Variants in DPP6 observed in about 807,000 individuals in gnomAD.
The protein encoded by DPP6 is A-type potassium channel modulatory protein DPP6.
A neutral mutation model predicts 122.6 loss-of-function variants in DPP6; 69 were observed. The ratio of observed to expected loss-of-function variants is 0.56; its 90% CI spans 0.46 to 0.69. The LOEUF (loss-of-function observed/expected upper bound fraction) is 0.69, where lower values mean the gene tolerates loss of function less well. Ranked by LOEUF, DPP6 falls within the 30% of genes least tolerant of loss-of-function variation. The pLI is 0.00. For missense variants in DPP6, 928 were observed against 1,116.9 expected, an observed-to-expected ratio of 0.83 and a Z score of 2.41; for synonymous variants, 418 against 433.1, an observed-to-expected ratio of 0.97 and a Z score of 0.43.
intron 5 of DPP6, among the ~76,000 whole-genome samples, chr7:154,622,184 T>G (rs1834730703): frequency 6.6e-6 from 1 of 152,120 alleles, no homozygotes; most frequent in African/African-American, 2.4e-5. Context: ...TTTCCCAACA[T>G]AGTTATTAAT....
At chr7:154,553,601 C>A (rs1586612403) in intron 4 of DPP6, among the ~76,000 whole-genome samples, 1 of 152,054 alleles carries the variant, frequency 6.6e-6, no homozygotes, top group Non-Finnish European at 1.5e-5. Flanking sequence ...GTTAAAAAAC[C>A]TTTTACTAAG....
chr7:154,658,564 G>A (rs757377409), intron 6 of DPP6, among the ~76,000 whole-genome samples: 24 of 152,146 alleles, frequency 1.6e-4, no homozygotes, highest in Non-Finnish European at 3.1e-4. Flanking sequence ...AGGGAAGCAG[G>A]GACCCTGGGC....
intron 8 of DPP6, among the ~76,000 whole-genome samples, chr7:154,733,972 G>A (rs2131385873): frequency 6.6e-6 from 1 of 152,346 alleles, no homozygotes; most frequent in African/African-American, 2.4e-5. Flanking sequence ...CCAGTGTGCT[G>A]AGTACCTGCT....
chr7:153,761,122 G>C, the DPP6 span, among the ~76,000 whole-genome samples: 1 of 152,114 alleles, frequency 6.6e-6, no homozygotes, highest in East Asian at 1.9e-4. Flanking sequence ...AGAAATCAGT[G>C]TCCTTCTTCG....
rs1812843398 is a variant in DPP6, at chr7:154,373,415, G to A, written c.244-72799G>A. On this transcript the variant is annotated intron_variant, in intron 1 of 25. Coordinates refer to ENST00000377770, the MANE Select transcript of DPP6 (RefSeq NM_130797.4). Reference sequence around the variant, plus strand: ...TGTTTGCTTCGTGAGGCGGTTGTGAGGAGCCATCTCTGTGAACGGGCTCCT... The same window carrying A: ...TGTTTGCTTCGTGAGGCGGTTGTGAAGAGCCATCTCTGTGAACGGGCTCCT... Among the ~76,000 whole-genome samples the A allele has an allele frequency of 2.6e-5, 4 of 152,192 alleles. No homozygotes were observed. In the South Asian group the frequency reaches 8.3e-4, roughly 31 times the overall value.
At chr7:154,484,705 GT>G (rs1424366391) in intron 3 of DPP6, among the ~76,000 whole-genome samples, 2 of 152,218 alleles carry the variant, frequency 1.3e-5, no homozygotes, top group Non-Finnish European at 2.9e-5. Context: ...GTCTGTGTTT[GT>G]TTACGCTCAT....
chr7:154,820,638 G>A (rs1799699963), intron 16 of DPP6, among the ~76,000 whole-genome samples: 1 of 152,138 alleles, frequency 6.6e-6, no homozygotes, highest in Non-Finnish European at 1.5e-5. Context: ...AGGCTTCCCA[G>A]AGGACCCAAG....
chr7:154,108,062 A>G (rs539305744), intron 1 of DPP6, among the ~76,000 whole-genome samples: 2 of 152,314 alleles, frequency 1.3e-5, no homozygotes, highest in African/African-American at 2.4e-5. Flanking sequence ...TGTTCACCCA[A>G]ATATATAAAG....
chr7:154,654,395 A>C (rs1260738124), intron 6 of DPP6, among the ~76,000 whole-genome samples: 1 of 24,072 alleles, frequency 4.2e-5, no homozygotes, highest in Non-Finnish European at 2.0e-4. Flanking sequence ...GAAAACATCT[A>C]TATCCAAATC....
Position 154,540,607 on chromosome 7 carries a change from T to C in DPP6, c.533T>C (p.Leu178Ser). 6.3e-7 allele frequency: 1 copy of C among 1,588,148 alleles called. No homozygotes were observed. The highest frequency in any genetic ancestry group is 8.5e-7 in the Non-Finnish European group (1 of 1,169,668). ...GTTGAAACAAATACTTCTACTGTCT[T>C]AATAGAAGGCAAAAAAATTGTAAGT... is the stretch of plus-strand genomic sequence containing the variant. ...WNVETNTSTV[L>S]IEGKKIESLR... The change falls in exon 4 of 26, where the codon TTA (leucine) becomes TCA (serine). Residue 178 changes from leucine (L) to serine (S), a missense_variant. Coordinates refer to ENST00000377770, the MANE Select transcript of DPP6 (RefSeq NM_130797.4).
At chr7:154,411,483 T>G (rs1816592535) in intron 1 of DPP6, among the ~76,000 whole-genome samples, 1 of 152,200 alleles carries the variant, frequency 6.6e-6, no homozygotes, top group African/African-American at 2.4e-5. Flanking sequence ...TTAAGCAGTC[T>G]GCCCTTCTTG....
the DPP6 span, among the ~76,000 whole-genome samples, chr7:153,816,880 G>A: frequency 1.1e-3 from 171 of 152,082 alleles, 1 homozygote; most frequent in Non-Finnish European, 1.8e-3. Context: ...CTCTCTCCCC[G>A]TCTCCCAACT....
intron 1 of DPP6, among the ~76,000 whole-genome samples, chr7:154,279,228 G>C (rs1804346436): frequency 6.6e-6 from 1 of 152,078 alleles, no homozygotes; most frequent in African/African-American, 2.4e-5. Context: ...ATGCATAATT[G>C]TGTGCATATA....
intron 1 of DPP6, among the ~76,000 whole-genome samples, chr7:154,360,769 G>A (rs966508443): frequency 6.6e-6 from 1 of 152,152 alleles, no homozygotes; most frequent in Non-Finnish European, 1.5e-5. Flanking sequence ...AGTTAGTATG[G>A]GGCTTCAGAA....
chr7:154,846,613 C>T (rs1043035126), intron 16 of DPP6, among the ~76,000 whole-genome samples: 3 of 152,160 alleles, frequency 2.0e-5, no homozygotes, highest in Non-Finnish European at 2.9e-5. Flanking sequence ...ACTAGCTTAA[C>T]GACAGATGCA....
intron 1 of DPP6, among the ~76,000 whole-genome samples, chr7:154,253,173 C>T (rs1450300595): frequency 6.6e-6 from 1 of 152,222 alleles, no homozygotes; most frequent in Non-Finnish European, 1.5e-5. Flanking sequence ...AAAAAGGCAA[C>T]AGTCTCATAT....
intron 6 of DPP6, among the ~76,000 whole-genome samples, chr7:154,639,529 G>A (rs890166570): frequency 2.6e-5 from 4 of 152,172 alleles, no homozygotes; most frequent in East Asian, 3.9e-4. Context: ...TGTAAAACTC[G>A]AAACTCTAAA....
At chr7:154,645,635 C>T (rs1249705188) in intron 6 of DPP6, among the ~76,000 whole-genome samples, 1 of 152,152 alleles carries the variant, frequency 6.6e-6, no homozygotes, top group Non-Finnish European at 1.5e-5. Flanking sequence ...CTTACTCCAT[C>T]CATATATTAG....
chr7:153,830,395 C>A, the DPP6 span, among the ~76,000 whole-genome samples: 1 of 152,188 alleles, frequency 6.6e-6, no homozygotes, highest in African/African-American at 2.4e-5. Flanking sequence ...CCTTCTTATA[C>A]TCTTTGTGCA....
Sources: gnomAD v4.1 joint callset for allele counts (sites outside exome capture counted in the v4.1 genomes callset) on GRCh38, gnomAD v4.1.1 for gene constraint, MANE v1.5 for transcripts, NCBI Gene and HGNC (gene_info 2026-07-23, HGNC 2026-07-21) for gene names.